The following PPFIA1 variants were observed in gnomAD, a reference collection of about 807,000 sequenced individuals.
PPFIA1 encodes PPFI scaffold protein A1, also known as liprin-alpha-1.
Under a neutral mutation model 149.9 loss-of-function variants are expected in PPFIA1, and 25 were observed. That is an observed-to-expected ratio of 0.17 (90% confidence interval 0.12 to 0.23). The LOEUF is 0.23. Among genes scored for constraint, PPFIA1 ranks in the 10% least tolerant of loss-of-function variants. PPFIA1 has a pLI of 1.00. For missense variants in PPFIA1, 1,362 were observed against 1,506.5 expected (o/e 0.90, Z 1.59); for synonymous variants, 549 against 552.8 (o/e 0.99, Z 0.10).
intron 16 of PPFIA1, chr11:70,350,068 A>G (rs182950021): frequency 9.9e-6 from 4 of 404,558 alleles, no homozygotes; most frequent in Admixed American, 6.3e-5. Flanking sequence ...GTGTTCGATC[A>G]TGTTTGTGAG....
chr11:70,350,538 C>G (rs889435549), intron 16 of PPFIA1, among the ~76,000 whole-genome samples: 1 of 152,116 alleles, frequency 6.6e-6, no homozygotes, highest in African/African-American at 2.4e-5. Flanking sequence ...AAATCAAATT[C>G]TAGGTAAGGA....
At chr11:70,382,030 G>A (rs552315475) in intron 26 of PPFIA1, 58 bp from the exon 27 acceptor site, 1 of 1,496,036 alleles carries the variant, frequency 6.7e-7, no homozygotes, top group South Asian at 1.1e-5. Flanking sequence ...CTCATGTGAT[G>A]TTCTAAGACT....
At chr11:70,352,016 T>G (rs1166577832) in intron 16 of PPFIA1, among the ~76,000 whole-genome samples, 1 of 152,192 alleles carries the variant, frequency 6.6e-6, no homozygotes, top group African/African-American at 2.4e-5. Context: ...CCTCATAACT[T>G]TCATGCTCTG....
chr11:70,312,674 T>C (rs1305962183), intron 2 of PPFIA1, among the ~76,000 whole-genome samples: 1 of 152,162 alleles, frequency 6.6e-6, no homozygotes, highest in Non-Finnish European at 1.5e-5. Context: ...TTTTGCTAAC[T>C]CGAGAGCCCA....
At chr11:70,277,017 C>CTTTTTT (rs762899887) in intron 2 of PPFIA1, among the ~76,000 whole-genome samples, 2 of 61,340 alleles carry the variant, frequency 3.3e-5, no homozygotes, top group Non-Finnish European at 6.2e-5. Flanking sequence ...TTTTTTTTTG[C>CTTTTTT]TTTTTTTTTG....
At chr11:70,284,015 T>C (rs2050939939) in intron 2 of PPFIA1, 2 of 532,198 alleles carry the variant, frequency 3.8e-6, no homozygotes, top group Non-Finnish European at 7.7e-6. Context: ...GCTTTACTTT[T>C]AATGGCAAAA....
chr11:70,365,350 T>C (rs986593845), intron 21 of PPFIA1: 4 of 456,340 alleles, frequency 8.8e-6, no homozygotes, highest in Admixed American at 7.1e-5. Context: ...CTGGATGTGG[T>C]TGGTGCACTG....
At chr11:70,330,703 T>G (rs1232789580) in intron 8 of PPFIA1, among the ~76,000 whole-genome samples, 1 of 152,190 alleles carries the variant, frequency 6.6e-6, no homozygotes, top group Non-Finnish European at 1.5e-5. Flanking sequence ...ATGCCTGTCA[T>G]TCTAACACTT....
rs570827000 is a variant in PPFIA1, at chr11:70,296,525, T to A, written c.264+24089T>A. Among the ~76,000 whole-genome samples, 625 of 151,810 alleles carry A rather than the reference T, an allele frequency of 4.1e-3. 1 individual carries two copies. Among genetic ancestry groups the A allele is most frequent in the Non-Finnish European group, 7.8e-3 (530 of 67,936 alleles). The stretch of plus-strand genomic sequence containing the variant: ...CGAAACCCCGTCTCCACCAAAAAAA[T>A]ACGAAAACCAGTCAGGCGTGGCGGT... On this transcript the variant is annotated intron_variant, in intron 2 of 27. Coordinates refer to ENST00000253925, the MANE Select transcript of PPFIA1 (RefSeq NM_003626.5).
chr11:70,328,821 C>T (rs996786751), intron 7 of PPFIA1, among the ~76,000 whole-genome samples: 10 of 152,118 alleles, frequency 6.6e-5, no homozygotes, highest in African/African-American at 2.2e-4. Context: ...TTTGTCTAAT[C>T]GGTGATGTTG....
intron 2 of PPFIA1, among the ~76,000 whole-genome samples, chr11:70,296,734 AGGGAGAGG>A (rs1208952831): frequency 5.3e-5 from 3 of 56,338 alleles, no homozygotes; most frequent in Non-Finnish European, 3.1e-5. Flanking sequence ...GAGGAGGGAG[AGGGAGAGG>A]GAGAGAGGGA....
intron 7 of PPFIA1, among the ~76,000 whole-genome samples, chr11:70,329,157 C>T (rs1302660741): frequency 6.6e-6 from 1 of 152,198 alleles, no homozygotes; most frequent in East Asian, 1.9e-4. Flanking sequence ...AGAGAGGCCG[C>T]ACCCTGTCCT....
chr11:70,344,096 A>G (rs1354048422), intron 15 of PPFIA1, among the ~76,000 whole-genome samples: 2 of 152,236 alleles, frequency 1.3e-5, no homozygotes, highest in East Asian at 1.9e-4. Flanking sequence ...CACTCTCCCC[A>G]CAGTTACGGC....
intron 16 of PPFIA1, among the ~76,000 whole-genome samples, chr11:70,350,220 TCA>T (rs2055973595): frequency 6.6e-6 from 1 of 152,246 alleles, no homozygotes; most frequent in Non-Finnish European, 1.5e-5. Context: ...GTTTTTTTAC[TCA>T]AATTATGTAG....
At chr11:70,296,287 G>A (rs1284425408) in intron 2 of PPFIA1, among the ~76,000 whole-genome samples, 11 of 152,036 alleles carry the variant, frequency 7.2e-5, no homozygotes, top group African/African-American at 2.4e-4. Flanking sequence ...GGTGGCGGCC[G>A]GGCAGAGGCT....
intron 15 of PPFIA1, among the ~76,000 whole-genome samples, chr11:70,347,943 C>T (rs2055815237): frequency 6.6e-6 from 1 of 152,152 alleles, no homozygotes; most frequent in Non-Finnish European, 1.5e-5. Context: ...GCAGAGGTTG[C>T]AGTGAGCCGA....
At chr11:70,354,748 TC>T (rs1286245814) in intron 17 of PPFIA1, among the ~76,000 whole-genome samples, 4 of 151,898 alleles carry the variant, frequency 2.6e-5, no homozygotes, top group Non-Finnish European at 5.9e-5. Flanking sequence ...TTGACTACTT[TC>T]TATTCTTGAT....
At chr11:70,287,261 C>G (rs1427712293) in intron 2 of PPFIA1, among the ~76,000 whole-genome samples, 2 of 152,138 alleles carry the variant, frequency 1.3e-5, no homozygotes, top group Admixed American at 6.6e-5. Flanking sequence ...CCTGGCCCAG[C>G]GCCTCCCTGC....
At chr11:70,344,384 G>T (rs897968737) in intron 15 of PPFIA1, among the ~76,000 whole-genome samples, 4 of 152,210 alleles carry the variant, frequency 2.6e-5, no homozygotes, top group Admixed American at 1.3e-4. Flanking sequence ...GCCTCCACAG[G>T]CCAGTGCCAC....
Sources: allele counts gnomAD v4.1 joint callset (sites outside exome capture counted in the v4.1 genomes callset), GRCh38; gene constraint gnomAD v4.1.1; transcripts MANE v1.5; gene names NCBI Gene and HGNC (gene_info 2026-07-23, HGNC 2026-07-21).